Variants in BLTP1 observed in about 807,000 individuals in gnomAD.
BLTP1 encodes the protein fragile site-associated protein.
chr4:122,187,134 G>T, the BLTP1 span: 16 of 984,164 alleles, frequency 1.6e-5, no homozygotes, highest in Non-Finnish European at 1.8e-5. Flanking sequence ...AATGGTAGAT[G>T]TAATGACAGC....
At chr4:122,236,966 A>G in the BLTP1 span, 8 of 985,246 alleles carry the variant, frequency 8.1e-6, no homozygotes, top group African/African-American at 1.2e-4. Context: ...AGGAGGGCAT[A>G]TGGGTAGAAT....
chr4:122,281,249 T>A, the BLTP1 span: 1 of 948,390 alleles, frequency 1.1e-6, no homozygotes, highest in Admixed American at 6.2e-5. Flanking sequence ...GAATTTGGAA[T>A]CAGACAAATC....
chr4:122,152,840 C>A, the BLTP1 span: 3 of 377,216 alleles, frequency 8.0e-6, no homozygotes, highest in African/African-American at 4.4e-5. Context: ...GCAGTTCCTG[C>A]GGGTGATGGT....
the BLTP1 span, chr4:122,333,948 C>A: frequency 9.3e-7 from 1 of 1,073,724 alleles, no homozygotes; most frequent in South Asian, 1.9e-5. Context: ...ATATTCTGGA[C>A]AGAAGAACAT....
the BLTP1 span, chr4:122,200,405 C>G: frequency 1.8e-6 from 1 of 548,816 alleles, no homozygotes; most frequent in Non-Finnish European, 2.3e-6. Context: ...TGGTGAAACC[C>G]TGCCTCTACT....
the BLTP1 span, chr4:122,243,549 T>C: frequency 2.1e-6 from 1 of 485,808 alleles, no homozygotes; most frequent in Non-Finnish European, 2.7e-6. Context: ...GAGACCAGCC[T>C]GGCCAACATG....
chr4:122,360,235 A>T, the BLTP1 span, among the ~76,000 whole-genome samples: 7 of 152,212 alleles, frequency 4.6e-5, no homozygotes, highest in Non-Finnish European at 1.0e-4. Context: ...TCTCAAATTT[A>T]ACACTATCAG....
the BLTP1 span, chr4:122,354,141 T>C: frequency 1.2e-6 from 1 of 833,802 alleles, no homozygotes; most frequent in Admixed American, 2.7e-5. Flanking sequence ...ATTTTAATCT[T>C]GCTGGCTGAC....
chr4:122,266,680 A>G, the BLTP1 span: 1 of 1,015,436 alleles, frequency 9.8e-7, no homozygotes, highest in Non-Finnish European at 1.4e-6. Context: ...AATAATATGT[A>G]CTGAGGTAGG....
the BLTP1 span, chr4:122,299,739 C>T: frequency 6.9e-6 from 6 of 866,502 alleles, no homozygotes; most frequent in African/African-American, 1.8e-5. Flanking sequence ...CACAAATACA[C>T]ACATACATAT....
the BLTP1 span, among the ~76,000 whole-genome samples, chr4:122,265,023 TG>T: frequency 6.6e-6 from 1 of 152,136 alleles, no homozygotes; most frequent in Non-Finnish European, 1.5e-5. Flanking sequence ...ACATACTCTT[TG>T]GTTTGAACAG....
At chr4:122,240,032 T>A in the BLTP1 span, 1 of 1,614,184 alleles carries the variant, frequency 6.2e-7, no homozygotes, top group Non-Finnish European at 8.5e-7. Flanking sequence ...GCATTCAGGA[T>A]TCCAGAACTC....
the BLTP1 span, among the ~76,000 whole-genome samples, chr4:122,235,893 A>G: frequency 1.1e-3 from 164 of 152,126 alleles, no homozygotes; most frequent in African/African-American, 3.9e-3. Flanking sequence ...TAAGTGTATT[A>G]TATTTAGATT....
At chr4:122,187,892 T>TA in the BLTP1 span, 1 of 1,562,894 alleles carries the variant, frequency 6.4e-7, no homozygotes, top group East Asian at 2.3e-5. Flanking sequence ...TTTTTTTTTT[T>TA]AGGGACGTTT....
At chr4:122,189,444 AG>A in the BLTP1 span, 28 of 979,928 alleles carry the variant, frequency 2.9e-5, no homozygotes, top group Admixed American at 1.2e-4. Flanking sequence ...ATTTATTTCA[AG>A]TTGATTAAAT....
At chr4:122,266,379 C>T in the BLTP1 span, among the ~76,000 whole-genome samples, 2 of 151,730 alleles carry the variant, frequency 1.3e-5, no homozygotes, top group Non-Finnish European at 2.9e-5. Context: ...TATATTAACA[C>T]AGGAAGTTGA....
chr4:122,302,277 A>T, the BLTP1 span: 128 of 980,062 alleles, frequency 1.3e-4, 1 homozygote, highest in South Asian at 1.9e-4. Flanking sequence ...TTATCAGTTC[A>T]TTAGACATAT....
chr4:122,272,116 C>T, the BLTP1 span: 4 of 1,572,714 alleles, frequency 2.5e-6, no homozygotes, highest in Non-Finnish European at 3.5e-6. Context: ...TTCCATTTTT[C>T]AGTCTTCGTA....
At chr4:122,294,989 A>T in the BLTP1 span, among the ~76,000 whole-genome samples, 3 of 152,210 alleles carry the variant, frequency 2.0e-5, no homozygotes, top group African/African-American at 7.2e-5. Context: ...TCAACAGCAC[A>T]ATAGACCAAG....
Sources: allele counts gnomAD v4.1 joint callset (sites outside exome capture counted in the v4.1 genomes callset), GRCh38; gene constraint gnomAD v4.1.1; transcripts MANE v1.5; gene names NCBI Gene and HGNC (gene_info 2026-07-23, HGNC 2026-07-21).